UBAP1: variants seen among roughly 807,000 people sequenced by gnomAD.
The protein encoded by UBAP1 is ubiquitin-associated protein 1.
In UBAP1, 5 loss-of-function variants were observed where a neutral mutation model predicts 39.0. The observed-to-expected ratio is 0.13, with a 90% CI of 0.07 to 0.27. The LOEUF (loss-of-function observed/expected upper bound fraction) is 0.27. Ranked by LOEUF, UBAP1 falls within the 10% of genes least tolerant of loss-of-function variation. The pLI, the probability that UBAP1 is intolerant of heterozygous loss-of-function variation, is 1.00. For missense variants in UBAP1, 490 were observed against 608.1 expected (o/e 0.81, Z 2.04); for synonymous variants, 211 against 225.1 (o/e 0.94, Z 0.56).
At chr9:34,179,484 A>T (rs990659193) in intron 1 of UBAP1, among the ~76,000 whole-genome samples, 4 of 151,902 alleles carry the variant, frequency 2.6e-5, no homozygotes, top group African/African-American at 9.7e-5. Context: ...ATGAGTTCGG[A>T]TTAAGGAGAC....
intron 2 of UBAP1, among the ~76,000 whole-genome samples, chr9:34,228,193 C>T (rs188930983): frequency 1.3e-5 from 2 of 151,832 alleles, no homozygotes. Flanking sequence ...CCGAGGTGGG[C>T]GGATCATGAG....
At chr9:34,219,478 G>A (rs4879763) in intron 1 of UBAP1, among the ~76,000 whole-genome samples, 51,797 of 151,838 alleles carry the variant, frequency 0.34, 9,665 homozygotes, top group East Asian at 0.74. Context: ...AATATTTTAT[G>A]AATTATTTCC....
At chr9:34,183,665 A>G (rs536949430) in intron 1 of UBAP1, among the ~76,000 whole-genome samples, 2 of 152,148 alleles carry the variant, frequency 1.3e-5, no homozygotes, top group East Asian at 3.9e-4. Context: ...TCCCACACAG[A>G]ATGGGAATCC....
chr9:34,228,542 A>G (rs1833229072), intron 2 of UBAP1, among the ~76,000 whole-genome samples: 1 of 150,506 alleles, frequency 6.6e-6, no homozygotes, highest in Non-Finnish European at 1.5e-5. Flanking sequence ...GTCTCTATCC[A>G]TTATTACAAA....
rs188686302 is a variant in UBAP1 at position 34,203,434 on chromosome 9, A to T, written c.-7-17474A>T. Among the ~76,000 whole-genome samples the T allele has an allele frequency of 4.6e-5, 7 of 152,350 alleles. No individual in the cohort carries two copies. The East Asian group carries it at 1.3e-3, about 29-fold the overall frequency. ...ATACGAGAACTTGGAATTCAGCAAC[A>T]TTCATTCAGCAGGAGTTACTGAGCA... On this transcript the variant is annotated intron_variant, in intron 1 of 6. Transcript: ENST00000297661.
intron 1 of UBAP1, among the ~76,000 whole-genome samples, chr9:34,181,111 G>GTTTTTTTTTT (rs1563879456): frequency 8.5e-5 from 3 of 35,284 alleles, no homozygotes; most frequent in African/African-American, 1.6e-4. Context: ...CACCCGGCCT[G>GTTTTTTTTTT]TTTTCTTTTT....
chr9:34,237,300 G>A (rs2131613422), intron 3 of UBAP1, among the ~76,000 whole-genome samples: 1 of 152,248 alleles, frequency 6.6e-6, no homozygotes, highest in East Asian at 1.9e-4. Flanking sequence ...GTTACCTAGA[G>A]CAACAGAAAA....
intron 1 of UBAP1, among the ~76,000 whole-genome samples, chr9:34,194,110 T>G (rs1412944152): frequency 6.6e-6 from 1 of 152,170 alleles, no homozygotes; most frequent in Non-Finnish European, 1.5e-5. Context: ...CAAATATATT[T>G]TACTGATGTA....
chr9:34,249,664 C>T (rs899613477), intron 4 of UBAP1, 115 bp from the exon 5 acceptor site: 37 of 996,948 alleles, frequency 3.7e-5, no homozygotes, highest in African/African-American at 1.3e-4. Context: ...CCAACCTGAC[C>T]GCTTTTCTTG....
At chr9:34,196,857 G>T (rs1393349868) in intron 1 of UBAP1, among the ~76,000 whole-genome samples, 1 of 148,718 alleles carries the variant, frequency 6.7e-6, no homozygotes, top group Non-Finnish European at 1.5e-5. Flanking sequence ...TTGTTTCTTT[G>T]TTTTCATTTT....
chr9:34,241,320 G>A lies in UBAP1; in HGVS notation c.295G>A (p.Asp99Asn), dbSNP rs766828858. Reference protein sequence around the residue: ...KVNSKSGPEGDSKMSFSKTHS... With the variant: ...KVNSKSGPEGNSKMSFSKTHS... ...GAATTCTAAGAGTGGCCCAGAGGGCGATAGCAAAATGAGCTTCTCCAAGAC... is the reference window on the plus strand; with the variant it reads ...GAATTCTAAGAGTGGCCCAGAGGGCAATAGCAAAATGAGCTTCTCCAAGAC... The change falls in exon 4 of 7, where the codon GAT becomes AAT. Residue 99 changes from aspartate to asparagine, a missense_variant. Physicochemically the swap from Asp to Asn is conservative, Grantham distance 23. Transcript: ENST00000297661. The A allele has an allele frequency of 2.6e-6, 4 of 1,517,172 alleles. No individual in the cohort carries two copies. Among genetic ancestry groups the A allele is most frequent in the South Asian group, 1.3e-5 (1 of 74,150 alleles). 94.0% of individuals were successfully genotyped at this position (1,517,172 alleles called of 1,614,324 possible). A position where few individuals can be genotyped will look rare whatever the true frequency, so the allele number is the denominator to read the frequency against.
At chr9:34,192,515 C>CAAA (rs4008753) in intron 1 of UBAP1, among the ~76,000 whole-genome samples, 5 of 107,500 alleles carry the variant, frequency 4.7e-5, no homozygotes, top group Admixed American at 9.4e-5. Flanking sequence ...GACTCCATCT[C>CAAA]AAAAAAAAAA....
intron 1 of UBAP1, among the ~76,000 whole-genome samples, chr9:34,188,226 A>G (rs1314476608): frequency 6.6e-6 from 1 of 151,988 alleles, no homozygotes; most frequent in Non-Finnish European, 1.5e-5. Context: ...TTATACAAAT[A>G]GTATACCTTT....
intron 2 of UBAP1, among the ~76,000 whole-genome samples, chr9:34,231,619 A>T (rs1407176311): frequency 6.6e-6 from 1 of 150,874 alleles, no homozygotes; most frequent in Non-Finnish European, 1.5e-5. Context: ...CTGTTAAGGG[A>T]CACTCAAAAT....
At chr9:34,246,101 A>T (rs1216903486) in intron 4 of UBAP1, among the ~76,000 whole-genome samples, 5 of 151,708 alleles carry the variant, frequency 3.3e-5, no homozygotes, top group Non-Finnish European at 1.5e-5. Context: ...AATTTTTATT[A>T]TTTTTTTTGA....
At chr9:34,226,236 T>TG (rs1259013557) in intron 2 of UBAP1, among the ~76,000 whole-genome samples, 3 of 148,824 alleles carry the variant, frequency 2.0e-5, no homozygotes, top group Non-Finnish European at 3.0e-5. Flanking sequence ...TCTTGTTTTT[T>TG]TTTTTTTTTT....
intron 3 of UBAP1, among the ~76,000 whole-genome samples, chr9:34,237,144 C>T (rs903117351): frequency 6.6e-6 from 1 of 152,138 alleles, no homozygotes; most frequent in Non-Finnish European, 1.5e-5. Flanking sequence ...TGAGTTACTC[C>T]TTGAAAGCAA....
At chr9:34,197,802 A>T (rs1361832176) in intron 1 of UBAP1, among the ~76,000 whole-genome samples, 1 of 152,106 alleles carries the variant, frequency 6.6e-6, no homozygotes, top group Non-Finnish European at 1.5e-5. Flanking sequence ...CACCTGCCTC[A>T]GCCTCCTGAA....
chr9:34,186,289 C>A (rs1432729947), intron 1 of UBAP1, among the ~76,000 whole-genome samples: 1 of 152,112 alleles, frequency 6.6e-6, no homozygotes, highest in African/African-American at 2.4e-5. Context: ...CTGAAAGTTT[C>A]TTTTTTATAT....
Sources: allele counts gnomAD v4.1 joint callset (sites outside exome capture counted in the v4.1 genomes callset), GRCh38; gene constraint gnomAD v4.1.1; transcripts MANE v1.5; gene names NCBI Gene and HGNC (gene_info 2026-07-23, HGNC 2026-07-21).